The following CYP7B1 variants were observed in gnomAD, a reference collection of about 807,000 sequenced individuals.
CYP7B1 encodes cytochrome P450 family 7 subfamily B member 1.
Under a neutral mutation model 42.7 loss-of-function variants are expected in CYP7B1, and 29 were observed. The observed-to-expected ratio is 0.68, with a 90% CI of 0.51 to 0.93. The LOEUF (loss-of-function observed/expected upper bound fraction) is 0.93, where lower values mean the gene tolerates loss of function less well. CYP7B1 is among the 40% of genes least tolerant of loss of function. CYP7B1 has a pLI of 0.00. For synonymous variants in CYP7B1, 235 were observed against 218.2 expected (o/e 1.08, Z -0.68); for missense variants, 655 against 600.5 (o/e 1.09, Z -0.95).
chr8:64,717,163 T>C (rs919056574), intron 1 of CYP7B1, among the ~76,000 whole-genome samples: 14 of 140,450 alleles, frequency 1.0e-4, no homozygotes, highest in African/African-American at 4.1e-4. Flanking sequence ...AATGTTTACA[T>C]GGTACATCTT....
At chr8:64,756,549 C>G (rs1169829901) in intron 1 of CYP7B1, among the ~76,000 whole-genome samples, 2 of 152,192 alleles carry the variant, frequency 1.3e-5, no homozygotes, top group African/African-American at 4.8e-5. Flanking sequence ...TTCCATACTG[C>G]TGTCATGTGG....
intron 1 of CYP7B1, among the ~76,000 whole-genome samples, chr8:64,767,037 T>C (rs1352384137): frequency 6.6e-6 from 1 of 152,218 alleles, no homozygotes. Flanking sequence ...TCTTTTCACA[T>C]GCCTTTCTAA....
intron 1 of CYP7B1, among the ~76,000 whole-genome samples, chr8:64,737,314 C>T (rs1807504903): frequency 6.6e-6 from 1 of 152,108 alleles, no homozygotes; most frequent in East Asian, 1.9e-4. Context: ...GTACATAATT[C>T]TTGTTTTGTT....
intron 1 of CYP7B1, among the ~76,000 whole-genome samples, chr8:64,684,824 A>G (rs1806595110): frequency 6.6e-6 from 1 of 152,242 alleles, no homozygotes; most frequent in African/African-American, 2.4e-5. Context: ...TAGATACATG[A>G]AAAGGCGCTT....
intron 1 of CYP7B1, among the ~76,000 whole-genome samples, chr8:64,717,137 C>T (rs527352075): frequency 4.6e-5 from 7 of 152,184 alleles, no homozygotes; most frequent in Admixed American, 3.9e-4. Context: ...ATAGCCTTTT[C>T]CAGCTTTTTA....
At chr8:64,604,545 T>C (rs541696546) in intron 5 of CYP7B1, 137 bp downstream of exon 5, 9 of 838,186 alleles carry the variant, frequency 1.1e-5, no homozygotes, top group Admixed American at 2.1e-5. Flanking sequence ...GCTTTCTTAT[T>C]AGGAGGAATA....
intron 1 of CYP7B1, among the ~76,000 whole-genome samples, chr8:64,770,075 TCAC>T (rs1271489263): frequency 6.6e-6 from 1 of 152,146 alleles, no homozygotes; most frequent in Non-Finnish European, 1.5e-5. Flanking sequence ...GTCCTCAGTT[TCAC>T]CACAATGCAT....
Position 64,616,240 on chromosome 8 carries a change from G to A in CYP7B1, c.301C>T (p.Leu101=), listed in dbSNP as rs1004129422. 3.7e-6 allele frequency: 6 copies of A among 1,607,334 alleles called. No homozygotes were observed. In the African/African-American group the frequency reaches 5.4e-5, roughly 14 times the overall value. The change falls in exon 3 of 6, where the codon CTA becomes TTA. Residue 101 remains leucine, a synonymous_variant. Coordinates refer to ENST00000310193, the MANE Select transcript of CYP7B1 (RefSeq NM_004820.5). ...TFILDPFQYQ[L]VIKNHKQLSF... Reference sequence around the variant, plus strand: ...AATTGTTTATGATTTTTTATCACTAGCTGGTACTGGAAGGGGTCCAGGATA... The same window carrying A: ...AATTGTTTATGATTTTTTATCACTAACTGGTACTGGAAGGGGTCCAGGATA...
At chr8:64,589,385 T>C (rs1447158725), downstream of CYP7B1, among the ~76,000 whole-genome samples, 1 of 152,246 alleles carries the variant, frequency 6.6e-6, no homozygotes, top group African/African-American at 2.4e-5. Context: ...TAAAAAGTTT[T>C]TTTTAAATGT....
At chr8:64,724,636 G>T (rs1171302192) in intron 1 of CYP7B1, among the ~76,000 whole-genome samples, 1 of 152,176 alleles carries the variant, frequency 6.6e-6, no homozygotes, top group South Asian at 2.1e-4. Context: ...AGGCAGCTTT[G>T]CAGGTTAATT....
intron 1 of CYP7B1, among the ~76,000 whole-genome samples, chr8:64,697,050 A>G (rs890241791): frequency 3.3e-5 from 5 of 152,200 alleles, no homozygotes; most frequent in African/African-American, 9.7e-5. Flanking sequence ...ACACAGGGGA[A>G]AAAAAGGGTT....
intron 1 of CYP7B1, among the ~76,000 whole-genome samples, chr8:64,721,224 C>T (rs935197417): frequency 3.3e-5 from 5 of 151,836 alleles, no homozygotes; most frequent in African/African-American, 1.2e-4. Context: ...CTATCTTTGT[C>T]GAAATTACAA....
At chr8:64,744,439 C>T (rs1292915197) in intron 1 of CYP7B1, among the ~76,000 whole-genome samples, 1 of 152,016 alleles carries the variant, frequency 6.6e-6, no homozygotes, top group African/African-American at 2.4e-5. Context: ...CAGCTCAACC[C>T]CATTCCACAA....
chr8:64,781,748 G>A (rs1185706883), intron 1 of CYP7B1, among the ~76,000 whole-genome samples: 5 of 152,016 alleles, frequency 3.3e-5, no homozygotes, highest in African/African-American at 4.8e-5. Flanking sequence ...ATTCCCCTTT[G>A]CCATGTAACC....
At chr8:64,764,239 C>A (rs867277744) in intron 1 of CYP7B1, among the ~76,000 whole-genome samples, 1 of 137,942 alleles carries the variant, frequency 7.2e-6, no homozygotes, top group Non-Finnish European at 1.6e-5. Context: ...GCCCCCCCCA[C>A]CCCCTTCCCC....
In CYP7B1 at chr8:64,604,743, T is replaced by C. The variant is rs762361069; in HGVS notation, c.1172A>G (p.Asp391Gly). The C allele has an allele frequency of 2.5e-6, 4 of 1,613,978 alleles. No homozygotes were observed. Among genetic ancestry groups the C allele is most frequent in the Non-Finnish European group, 3.4e-6 (4 of 1,180,032 alleles). ...GACTGGAGGAAAGATGGCTACCAAG[T>C]CTCCCTTTCGCACACAGTAGTCCCC... ...ETGDYCVRKG[D>G]LVAIFPPVLH... is the part of the protein sequence containing the mutation. Residue 391 changes from aspartate (D) to glycine (G), a missense_variant, in exon 5 of 6, where the codon GAC becomes GGC. Asp to Gly is a moderately conservative substitution (Grantham distance 94). Coordinates refer to ENST00000310193, the MANE Select transcript of CYP7B1 (RefSeq NM_004820.5).
At chr8:64,740,840 A>C (rs904781526) in intron 1 of CYP7B1, among the ~76,000 whole-genome samples, 1 of 152,182 alleles carries the variant, frequency 6.6e-6, no homozygotes, top group Non-Finnish European at 1.5e-5. Context: ...TATCTATCAA[A>C]AAAAATCCAG....
chr8:64,790,759 A>G (rs1294352162), intron 1 of CYP7B1, among the ~76,000 whole-genome samples: 6 of 152,224 alleles, frequency 3.9e-5, no homozygotes, highest in Non-Finnish European at 8.8e-5. Flanking sequence ...TATTTTTTCA[A>G]ATGATGCTGT....
intron 4 of CYP7B1, among the ~76,000 whole-genome samples, chr8:64,610,363 G>C (rs902397383): frequency 6.6e-6 from 1 of 152,092 alleles, no homozygotes; most frequent in Non-Finnish European, 1.5e-5. Flanking sequence ...ACTTCCTCCA[G>C]TTAGAAGTTC....
Sources: gnomAD v4.1 joint callset for allele counts (sites outside exome capture counted in the v4.1 genomes callset) on GRCh38, gnomAD v4.1.1 for gene constraint, MANE v1.5 for transcripts, NCBI Gene and HGNC (gene_info 2026-07-23, HGNC 2026-07-21) for gene names.